Variants in POU2F1 observed in about 807,000 individuals in gnomAD.
The protein encoded by POU2F1 is POU domain, class 2, transcription factor 1.
Under a neutral mutation model 84.9 loss-of-function variants are expected in POU2F1, and 16 were observed. That is an observed-to-expected ratio of 0.19 (90% CI 0.13 to 0.29). POU2F1 has a LOEUF of 0.29. Among genes scored for constraint, POU2F1 ranks in the 10% least tolerant of loss-of-function variants. POU2F1 has a pLI of 1.00. For synonymous variants in POU2F1, 368 were observed against 368.3 expected (o/e 1.00, Z 0.01); for missense variants, 738 against 942.6 (o/e 0.78, Z 2.84).
chr1:167,381,810 A>T (rs1275110965), intron 7 of POU2F1, among the ~76,000 whole-genome samples: 1 of 151,272 alleles, frequency 6.6e-6, no homozygotes, highest in Non-Finnish European at 1.5e-5. Flanking sequence ...GGGTTTCACC[A>T]TGTTGGCCAG....
At chr1:167,263,003 T>G (rs1395834692) in intron 1 of POU2F1, among the ~76,000 whole-genome samples, 4 of 152,200 alleles carry the variant, frequency 2.6e-5, no homozygotes, top group Non-Finnish European at 5.9e-5. Context: ...CTGAAGTGTT[T>G]TGAGTAATAT....
intron 1 of POU2F1, chr1:167,241,432 G>A (rs2102372941): frequency 6.6e-6 from 1 of 152,286 alleles, no homozygotes; most frequent in Admixed American, 6.5e-5. Context: ...AAACAGTGAT[G>A]CCAGCAAAAT....
At chr1:167,290,548 G>C (rs1653852710) in intron 1 of POU2F1, among the ~76,000 whole-genome samples, 1 of 152,188 alleles carries the variant, frequency 6.6e-6, no homozygotes, top group Admixed American at 6.5e-5. Flanking sequence ...CATCCATCCA[G>C]CTGAAGCGTC....
At chr1:167,336,051 A>C in intron 2 of POU2F1, among the ~76,000 whole-genome samples, 1 of 152,384 alleles carries the variant, frequency 6.6e-6, no homozygotes, top group South Asian at 2.1e-4. Flanking sequence ...TAATGAATGC[A>C]TAAACTATAT....
At chr1:167,339,706 A>G (rs1236780178) in intron 2 of POU2F1, among the ~76,000 whole-genome samples, 1 of 152,088 alleles carries the variant, frequency 6.6e-6, no homozygotes, top group African/African-American at 2.4e-5. Flanking sequence ...ATTCTTTTGA[A>G]TTTTGTCCTT....
chr1:167,312,215 C>T (rs1009335184), intron 1 of POU2F1, among the ~76,000 whole-genome samples: 1 of 150,850 alleles, frequency 6.6e-6, no homozygotes, highest in African/African-American at 2.4e-5. Flanking sequence ...GGATTACAGG[C>T]GTGAGCCACC....
chr1:167,284,929 A>C (rs1653412086), intron 1 of POU2F1, among the ~76,000 whole-genome samples: 1 of 152,262 alleles, frequency 6.6e-6, no homozygotes, highest in African/African-American at 2.4e-5. Context: ...TTGCAAGTAT[A>C]ACAGAATAAC....
At chr1:167,303,620 A>G (rs1161332600) in intron 1 of POU2F1, 1 of 152,734 alleles carries the variant, frequency 6.5e-6, no homozygotes, top group Non-Finnish European at 1.5e-5. Flanking sequence ...GTAGCATCTG[A>G]TAAATCCAGG....
At chr1:167,248,287 G>C (rs1259010325) in intron 1 of POU2F1, among the ~76,000 whole-genome samples, 2 of 152,160 alleles carry the variant, frequency 1.3e-5, no homozygotes, top group Non-Finnish European at 2.9e-5. Context: ...GTTTTGCTTT[G>C]TTATACCTTG....
rs571715841 is a variant in POU2F1, at chr1:167,375,511, T to A, written c.592-518T>A. On this transcript the variant is annotated intron_variant, in intron 6 of 15. Coordinates refer to ENST00000367866, the MANE Select transcript of POU2F1 (RefSeq NM_002697.4). The stretch of plus-strand genomic sequence containing the variant: ...TTATATGGATAGCTATTTTTGGTTT[T>A]AAAAAATTGAATACTTTAGAACATG... 2.0e-3 allele frequency among the ~76,000 whole-genome samples: 301 copies of A among 152,326 alleles called. 1 individual carries two copies. Among genetic ancestry groups the A allele is most frequent in the Admixed American group, 4.4e-3 (68 of 15,302 alleles).
At chr1:167,364,523 C>T (rs1201708579) in intron 2 of POU2F1, among the ~76,000 whole-genome samples, 3 of 120,430 alleles carry the variant, frequency 2.5e-5, no homozygotes, top group Non-Finnish European at 3.5e-5. Context: ...GAGCGAGCTC[C>T]GTCTCAAAAA....
intron 1 of POU2F1, among the ~76,000 whole-genome samples, chr1:167,261,832 G>T (rs1421891360): frequency 6.6e-6 from 1 of 151,988 alleles, no homozygotes; most frequent in East Asian, 1.9e-4. Context: ...TTACAGGCAC[G>T]TGCCATCATG....
chr1:167,367,028 C>G (rs1199609309), intron 3 of POU2F1, among the ~76,000 whole-genome samples: 1 of 152,122 alleles, frequency 6.6e-6, no homozygotes, highest in Admixed American at 6.5e-5. Flanking sequence ...GTACCAGCTC[C>G]AAGACCTCTA....
intron 1 of POU2F1, among the ~76,000 whole-genome samples, chr1:167,275,802 T>C (rs1447541720): frequency 6.6e-6 from 1 of 152,194 alleles, no homozygotes; most frequent in African/African-American, 2.4e-5. Flanking sequence ...TAAAAAAGAC[T>C]GATGGATGGT....
At chr1:167,365,408 C>T (rs577852774) in intron 2 of POU2F1, 59 bp from the exon 3 acceptor site, 1 of 1,297,300 alleles carries the variant, frequency 7.7e-7, no homozygotes, top group Non-Finnish European at 1.1e-6. Flanking sequence ...TAACTGAAAT[C>T]TAGTGCTTTA....
chr1:167,420,628 G>C lies in POU2F1; in HGVS notation c.*4818G>C, dbSNP rs985060429. On this transcript the variant is annotated 3_prime_UTR_variant, in exon 16 of 16. Transcript: ENST00000367866. ...GAAAAAAGATAAGGTCATTGAGATA[G>C]GAAGACAGAGGAAAAGCCTCTTGCT... is the stretch of plus-strand genomic sequence containing the variant. The C allele has an allele frequency of 6.6e-5, 10 of 152,258 alleles. No individual in the cohort carries two copies. Among genetic ancestry groups the C allele is most frequent in the African/African-American group, 2.4e-4 (10 of 41,468 alleles). The allele number at this position is 152,258 out of a possible 1,614,324, so 9.4% of individuals were successfully genotyped here.
chr1:167,236,391 G>A (rs1306445772), intron 1 of POU2F1, among the ~76,000 whole-genome samples: 2 of 151,982 alleles, frequency 1.3e-5, no homozygotes, highest in African/African-American at 2.4e-5. Context: ...ATGAGCCACC[G>A]CGCCCGGCCG....
intron 1 of POU2F1, among the ~76,000 whole-genome samples, chr1:167,289,227 G>A (rs900706855): frequency 3.3e-5 from 5 of 152,016 alleles, no homozygotes; most frequent in Non-Finnish European, 7.4e-5. Flanking sequence ...TATCCCTGAC[G>A]TAATATTTAT....
At chr1:167,258,457 G>A (rs1651310220) in intron 1 of POU2F1, among the ~76,000 whole-genome samples, 1 of 152,076 alleles carries the variant, frequency 6.6e-6, no homozygotes. Flanking sequence ...AATTATAATT[G>A]CATTAATTTG....
Sources: allele counts gnomAD v4.1 joint callset (sites outside exome capture counted in the v4.1 genomes callset), GRCh38; gene constraint gnomAD v4.1.1; transcripts MANE v1.5; gene names NCBI Gene and HGNC (gene_info 2026-07-23, HGNC 2026-07-21).